TBC1D19: variants seen among roughly 807,000 people sequenced by gnomAD.
TBC1D19 encodes TBC1 domain family, member 19.
A neutral mutation model predicts 89.0 loss-of-function variants in TBC1D19; 60 were observed. That is an observed-to-expected ratio of 0.67 (90% CI 0.55 to 0.84). TBC1D19 has a LOEUF of 0.84. TBC1D19 is among the 40% of genes least tolerant of loss of function. The pLI, the probability that TBC1D19 is intolerant of heterozygous loss-of-function variation, is 0.00. For missense variants in TBC1D19, 500 were observed against 610.8 expected (o/e 0.82, Z 1.91); for synonymous variants, 189 against 199.7 (o/e 0.95, Z 0.45).
intron 13 of TBC1D19, among the ~76,000 whole-genome samples, chr4:26,713,565 A>G (rs1028270799): frequency 2.0e-5 from 3 of 152,116 alleles, no homozygotes; most frequent in Non-Finnish European, 4.4e-5. Flanking sequence ...ATTGTTAACT[A>G]TAGTTATTTA....
chr4:26,763,048 G>A, the TBC1D19 span, among the ~76,000 whole-genome samples: 2 of 152,040 alleles, frequency 1.3e-5, no homozygotes, highest in Non-Finnish European at 2.9e-5. Flanking sequence ...GCTAAATTAA[G>A]TTTACTGTAT....
chr4:26,851,827 C>T, the TBC1D19 span, among the ~76,000 whole-genome samples: 1 of 152,236 alleles, frequency 6.6e-6, no homozygotes, highest in Non-Finnish European at 1.5e-5. Flanking sequence ...AATGATTCTC[C>T]TGCCTCAGCC....
chr4:26,851,308 T>C, the TBC1D19 span, among the ~76,000 whole-genome samples: 532 of 63,446 alleles, frequency 8.4e-3, 7 homozygotes, highest in African/African-American at 0.022. Context: ...AAATACCCTA[T>C]CTATCTATCT....
intron 20 of TBC1D19, 106 bp from the exon 21 acceptor site, chr4:26,754,767 C>A: frequency 2.4e-6 from 2 of 839,398 alleles, no homozygotes; most frequent in South Asian, 2.0e-5. Context: ...AGATTTAGGA[C>A]AAATCCAAAG....
chr4:26,712,251 G>T (rs1716248832), intron 13 of TBC1D19, among the ~76,000 whole-genome samples: 1 of 152,058 alleles, frequency 6.6e-6, no homozygotes, highest in Non-Finnish European at 1.5e-5. Context: ...AAATTTAGTT[G>T]AGTTTGAAAT....
rs115857476 is a variant in TBC1D19, at chr4:26,727,033, A to G, written c.1084+6908A>G. 2.9e-3 allele frequency among the ~76,000 whole-genome samples: 438 copies of G among 152,320 alleles called. 3 individuals carry two copies. Among genetic ancestry groups the G allele is most frequent in the African/African-American group, 0.01 (420 of 41,562 alleles). On this transcript the variant is annotated intron_variant, in intron 15 of 20. Coordinates refer to ENST00000264866, the MANE Select transcript of TBC1D19 (RefSeq NM_018317.4). ...TATTTTAGACTTTCTTCAGATGCAT[A>G]AGGAAAGGCTAGAATCTGAAAATAA... is the stretch of plus-strand genomic sequence containing the variant.
chr4:26,777,217 C>T, the TBC1D19 span, among the ~76,000 whole-genome samples: 8 of 150,682 alleles, frequency 5.3e-5, no homozygotes, highest in African/African-American at 9.8e-5. Context: ...TCACTGCAAC[C>T]TCTGCCTCCT....
chr4:26,657,567 G>C (rs1344872641), intron 7 of TBC1D19, among the ~76,000 whole-genome samples: 4 of 152,146 alleles, frequency 2.6e-5, no homozygotes, highest in Non-Finnish European at 5.9e-5. Flanking sequence ...TGTCTTTATA[G>C]TAGAATGATT....
At chr4:26,667,663 A>G (rs12640312) in intron 9 of TBC1D19, among the ~76,000 whole-genome samples, 69,147 of 151,808 alleles carry the variant, frequency 0.46, 17,523 homozygotes, top group Admixed American at 0.6. Context: ...TCATTCTAGT[A>G]TGTGTTTTTT....
At chr4:26,740,059 T>C in intron 17 of TBC1D19, 86 bp downstream of exon 17, 1 of 789,310 alleles carries the variant, frequency 1.3e-6, no homozygotes, top group Non-Finnish European at 1.9e-6. Flanking sequence ...TCTACTCAAA[T>C]TCTAACGCAA....
At chr4:26,750,590 G>A (rs1172000541) in intron 19 of TBC1D19, among the ~76,000 whole-genome samples, 1 of 152,158 alleles carries the variant, frequency 6.6e-6, no homozygotes, top group African/African-American at 2.4e-5. Context: ...TGTATTTGCT[G>A]TAAGCCAGGC....
At chr4:26,712,602 G>T (rs553059221) in intron 13 of TBC1D19, among the ~76,000 whole-genome samples, 1 of 152,014 alleles carries the variant, frequency 6.6e-6, no homozygotes, top group Middle Eastern at 3.2e-3. Flanking sequence ...CACATTTTGT[G>T]TGACTATACC....
upstream of TBC1D19, among the ~76,000 whole-genome samples, chr4:26,580,933 G>T (rs993164142): frequency 3.2e-4 from 48 of 152,250 alleles, no homozygotes; most frequent in African/African-American, 1.1e-3. Flanking sequence ...ATTATATGAA[G>T]AATAGATCAA....
chr4:26,683,814 A>G, intron 12 of TBC1D19, 65 bp downstream of exon 12: 1 of 1,307,796 alleles, frequency 7.6e-7, no homozygotes, highest in African/African-American at 1.5e-5. Flanking sequence ...ATTCTTCAGT[A>G]TGCAGAGCCT....
chr4:26,850,560 A>AAAAAAAAAAAG, the TBC1D19 span, among the ~76,000 whole-genome samples: 1 of 148,588 alleles, frequency 6.7e-6, no homozygotes, highest in Non-Finnish European at 1.5e-5. Flanking sequence ...AAAAAAAAAA[A>AAAAAAAAAAAG]AAGAAGAAGA....
intron 7 of TBC1D19, among the ~76,000 whole-genome samples, chr4:26,655,446 T>C (rs1016807556): frequency 3.9e-5 from 6 of 152,238 alleles, no homozygotes; most frequent in African/African-American, 1.4e-4. Context: ...CTGCCTTTTG[T>C]TTGGCGATGC....
chr4:26,658,079 CTTTAG>C (rs1387249057), intron 7 of TBC1D19, among the ~76,000 whole-genome samples: 1 of 152,126 alleles, frequency 6.6e-6, no homozygotes, highest in East Asian at 1.9e-4. Flanking sequence ...TGCAGAAGCT[CTTTAG>C]TTTAATTAGA....
chr4:26,710,472 T>A (rs534937367), intron 13 of TBC1D19, among the ~76,000 whole-genome samples: 2 of 152,188 alleles, frequency 1.3e-5, no homozygotes, highest in South Asian at 2.1e-4. Flanking sequence ...TGCTATTGTG[T>A]ATAATGCCTC....
chr4:26,637,111 C>A, intron 4 of TBC1D19, 100 bp from the exon 5 acceptor site: 1 of 836,256 alleles, frequency 1.2e-6, no homozygotes, highest in Non-Finnish European at 1.9e-6. Context: ...CCAATCTCAA[C>A]CAGCCTTACC....
Sources: allele counts gnomAD v4.1 joint callset (sites outside exome capture counted in the v4.1 genomes callset), GRCh38; gene constraint gnomAD v4.1.1; transcripts MANE v1.5; gene names NCBI Gene and HGNC (gene_info 2026-07-23, HGNC 2026-07-21).